The following BRCA1 variants were observed in gnomAD, a reference collection of about 807,000 sequenced individuals.
The protein encoded by BRCA1 is breast cancer type 1 susceptibility protein.
BRCA1 carries 140 observed loss-of-function variants against 173.7 expected under a neutral mutation model. The observed-to-expected ratio is 0.81, with a 90% CI of 0.70 to 0.93. The LOEUF is 0.93. Among genes scored for constraint, BRCA1 ranks in the 40% least tolerant of loss-of-function variants. The pLI is 0.00. For synonymous variants in BRCA1, 662 were observed against 756.0 expected (o/e 0.88, Z 2.04); for missense variants, 1,983 against 2,172.5 (o/e 0.91, Z 1.73).
Position 43,098,906 on chromosome 17 carries a change from T to C in BRCA1, c.547+869A>G, listed in dbSNP as rs799919. Among the ~76,000 whole-genome samples, 73,255 of 148,328 alleles carry C rather than the reference T, an allele frequency of 0.49. 21,227 individuals are homozygous for C. Among genetic ancestry groups the C allele is most frequent in the African/African-American group, 0.82 (33,343 of 40,438 alleles). Reference sequence around the variant, plus strand: ...GATCTTGGCTCACTGCAACCTCTGCTTCCTGGGTTCAAGCGATTCTCCTGC... The same window carrying C: ...GATCTTGGCTCACTGCAACCTCTGCCTCCTGGGTTCAAGCGATTCTCCTGC... On this transcript the variant is annotated intron_variant, in intron 7 of 22. Coordinates refer to ENST00000357654, the MANE Select transcript of BRCA1 (RefSeq NM_007294.4).
intron 2 of BRCA1, among the ~76,000 whole-genome samples, chr17:43,120,386 G>A (rs1400161591): frequency 2.0e-5 from 3 of 152,160 alleles, no homozygotes; most frequent in African/African-American, 7.2e-5. Flanking sequence ...ACTGCAAATT[G>A]TGCTATACTG....
chr17:43,052,056 C>T (rs2051265243), intron 19 of BRCA1, among the ~76,000 whole-genome samples: 1 of 152,140 alleles, frequency 6.6e-6, no homozygotes, highest in Non-Finnish European at 1.5e-5. Flanking sequence ...CCAGGTTCTG[C>T]CTCTCCTCAT....
upstream of BRCA1, chr17:43,125,443 A>G (rs113323025): frequency 2.2e-3 from 814 of 362,728 alleles, 12 homozygotes; most frequent in African/African-American, 0.015. Flanking sequence ...CCAAGGGGCT[A>G]CCGCTAAGCA....
intron 14 of BRCA1, among the ~76,000 whole-genome samples, chr17:43,073,858 G>T (rs187514483): frequency 1.3e-5 from 2 of 152,162 alleles, no homozygotes; most frequent in Admixed American, 6.6e-5. Context: ...GGGTTCAAGT[G>T]ATTCTGCTGC....
rs2053521870 is a variant in BRCA1 at position 43,091,736 on chromosome 17, ATTC to A, written c.3792_3794del (p.Lys1264del). On this transcript the variant is annotated inframe_deletion, in exon 10 of 23. Coordinates refer to ENST00000357654, the MANE Select transcript of BRCA1 (RefSeq NM_007294.4). ...CCTGGTTACTGCAGTCATTTAAGCT[ATTC>A]TTCAATGATAATAAATTCTCCTCTG... 2 of 1,614,206 alleles carry A rather than the reference ATTC, an allele frequency of 1.2e-6. No individual in the cohort carries two copies. Among genetic ancestry groups the A allele is most frequent in the Non-Finnish European group, 1.7e-6 (2 of 1,180,024 alleles).
At chr17:43,166,524 C>T (rs1393818965) in intron 1 of BRCA1, 2 of 152,150 alleles carry the variant, frequency 1.3e-5, no homozygotes, top group Admixed American at 1.3e-4. Flanking sequence ...TGTCATAGCA[C>T]TCCATAGTCT....
intron 3 of BRCA1, among the ~76,000 whole-genome samples, chr17:43,113,610 G>A (rs372652783): frequency 2.7e-4 from 41 of 151,484 alleles, no homozygotes; most frequent in East Asian, 5.9e-4. Flanking sequence ...CTCGTGATCC[G>A]CCCACCTCGA....
chr17:43,133,850 G>T (rs2055992886), intron 1 of BRCA1, among the ~76,000 whole-genome samples: 1 of 152,066 alleles, frequency 6.6e-6, no homozygotes, highest in Non-Finnish European at 1.5e-5. Flanking sequence ...GGCCAGGCTG[G>T]TCTCAAACTC....
At chr17:43,169,836 C>G (rs1342275661) in intron 1 of BRCA1, 1 of 304,406 alleles carries the variant, frequency 3.3e-6, no homozygotes, top group Non-Finnish European at 6.5e-6. Flanking sequence ...TGTCCCCCGT[C>G]CAGAACGTCT....
chr17:43,065,930 C>T (rs2052049792), intron 16 of BRCA1, among the ~76,000 whole-genome samples: 1 of 152,146 alleles, frequency 6.6e-6, no homozygotes, highest in African/African-American at 2.4e-5. Flanking sequence ...CTTCAAAAGA[C>T]AGTATTTCAA....
intron 1 of BRCA1, chr17:43,133,089 C>T (rs1439622927): frequency 1.3e-5 from 2 of 152,120 alleles, no homozygotes; most frequent in African/African-American, 2.4e-5. Flanking sequence ...CTCTTTTAAG[C>T]CTGTTTTCTC....
intron 22 of BRCA1, among the ~76,000 whole-genome samples, chr17:43,046,695 C>A (rs2050930964): frequency 6.7e-6 from 1 of 148,674 alleles, no homozygotes; most frequent in Non-Finnish European, 1.5e-5. Context: ...GCGGAGGTTG[C>A]AGTGAGCCAA....
intron 1 of BRCA1, among the ~76,000 whole-genome samples, chr17:43,146,340 A>C: frequency 8.9e-6 from 1 of 112,994 alleles, no homozygotes. Flanking sequence ...ATGGAGTCTC[A>C]CTCTGTGGCC....
At chr17:43,049,302 G>C in intron 20 of BRCA1, 108 bp from the exon 21 acceptor site, 1 of 965,494 alleles carries the variant, frequency 1.0e-6, no homozygotes, top group Non-Finnish European at 1.6e-6. Flanking sequence ...CCTCTCAATG[G>C]GAGAGTCTGT....
At chr17:43,091,053 G>C (rs1567788670) in intron 10 of BRCA1, 21 bp from the exon 11 acceptor site, 1 of 1,603,038 alleles carries the variant, frequency 6.2e-7, no homozygotes, top group South Asian at 1.1e-5. Context: ...AAAAACAGAG[G>C]TTCAGATGTA....
At chr17:43,063,750 C>T (rs2051896933) in intron 17 of BRCA1, 124 bp downstream of exon 17, 1 of 760,606 alleles carries the variant, frequency 1.3e-6, no homozygotes, top group Non-Finnish European at 2.3e-6. Flanking sequence ...TTTAGTATTA[C>T]AATTAAAGAC....
intron 19 of BRCA1, among the ~76,000 whole-genome samples, chr17:43,054,228 G>A (rs2051367785): frequency 6.6e-6 from 1 of 152,190 alleles, no homozygotes; most frequent in Admixed American, 6.5e-5. Context: ...CTCCCCTGTG[G>A]TAAAGGCAGA....
In BRCA1 at chr17:43,115,793, G is replaced by T. The variant is rs80358006; in HGVS notation, c.81-14C>A. The T allele has an allele frequency of 1.2e-6, 2 of 1,610,524 alleles. No individual in the cohort carries two copies. Among genetic ancestry groups the T allele is most frequent in the African/African-American group, 1.3e-5 (1 of 74,764 alleles). Reference sequence around the variant, plus strand: ...ATCAACTCCAGACTAGCAGGGTAGGGGGGGAGAAAAAGAAAATAAATGAGG... The same window carrying T: ...ATCAACTCCAGACTAGCAGGGTAGGTGGGGAGAAAAAGAAAATAAATGAGG... On this transcript the variant is annotated splice_polypyrimidine_tract_variant and intron_variant, in intron 2 of 22. Transcript: ENST00000357654.
Position 43,100,675 on chromosome 17 carries a change from TATAATA to T in BRCA1, c.442-801_442-796del, listed in dbSNP as rs1169363629. Among the ~76,000 whole-genome samples, 21 of 15,548 alleles carry T rather than the reference TATAATA, an allele frequency of 1.4e-3. 3 individuals carry two copies. In the Admixed American group the frequency reaches 0.019, roughly 14 times the overall value. The allele number at this position is 15,548 out of a possible 152,430, so 10.2% of individuals were successfully genotyped here. A position where few individuals can be genotyped will look rare whatever the true frequency, so the allele number is the denominator to read the frequency against. On this transcript the variant is annotated intron_variant, in intron 6 of 22. Transcript: ENST00000357654. ...TATATAACATATATATATATATATA[TATAATA>T]TATATATATATATATATATATGTAA...
Sources: gnomAD v4.1 joint callset for allele counts (sites outside exome capture counted in the v4.1 genomes callset) on GRCh38, gnomAD v4.1.1 for gene constraint, MANE v1.5 for transcripts, NCBI Gene and HGNC (gene_info 2026-07-23, HGNC 2026-07-21) for gene names.